The following NDST4 variants were observed in gnomAD, a reference collection of about 807,000 sequenced individuals.
The protein encoded by NDST4 is N-deacetylase and N-sulfotransferase 4, also known as N-heparan sulfate sulfotransferase 4.
In NDST4, 63 loss-of-function variants were observed where a neutral mutation model predicts 100.8. The observed-to-expected ratio is 0.62, with a 90% CI of 0.51 to 0.77. The LOEUF is 0.77. Among genes scored for constraint, NDST4 ranks in the 30% least tolerant of loss-of-function variants. The probability of loss-of-function intolerance (pLI) is 0.00; values close to 1 mark genes in which losing one functional copy is unlikely to be tolerated. For missense variants in NDST4, 943 were observed against 1,018.4 expected, an observed-to-expected ratio of 0.93 and a Z score of 1.01; for synonymous variants, 377 against 361.8, an observed-to-expected ratio of 1.04 and a Z score of -0.48.
At chr4:114,885,100 A>G (rs1724450910) in intron 6 of NDST4, among the ~76,000 whole-genome samples, 1 of 152,124 alleles carries the variant, frequency 6.6e-6, no homozygotes, top group African/African-American at 2.4e-5. Context: ...TTTTTATTAT[A>G]CTAGCAAAAT....
intron 1 of NDST4, among the ~76,000 whole-genome samples, chr4:115,091,589 C>A (rs995713040): frequency 1.3e-5 from 2 of 151,946 alleles, no homozygotes; most frequent in Non-Finnish European, 2.9e-5. Flanking sequence ...TTCTGGATAC[C>A]AACTTCTATT....
chr4:115,038,287 G>A (rs1728275809), intron 2 of NDST4, among the ~76,000 whole-genome samples: 1 of 152,118 alleles, frequency 6.6e-6, no homozygotes, highest in East Asian at 1.9e-4. Flanking sequence ...TTATTGAATA[G>A]GAAATCATTA....
chr4:115,016,277 G>A (rs1381136749), intron 2 of NDST4, among the ~76,000 whole-genome samples: 1 of 152,056 alleles, frequency 6.6e-6, no homozygotes, highest in East Asian at 1.9e-4. Flanking sequence ...TTGCAGCTAG[G>A]GCAAGGTTCT....
intron 2 of NDST4, among the ~76,000 whole-genome samples, chr4:115,073,451 G>A (rs1940295): frequency 0.042 from 6,376 of 151,912 alleles, 455 homozygotes; most frequent in African/African-American, 0.14. Flanking sequence ...AAAGAAAATG[G>A]GGTACATATA....
At chr4:115,069,616 T>TAGTCAGGATG (rs1249815942) in intron 2 of NDST4, among the ~76,000 whole-genome samples, 1 of 152,108 alleles carries the variant, frequency 6.6e-6, no homozygotes, top group African/African-American at 2.4e-5. Context: ...CATCTCACAC[T>TAGTCAGGATG]AGTCAGGATG....
chr4:114,981,590 A>C (rs1408636276), intron 2 of NDST4, among the ~76,000 whole-genome samples: 2 of 152,142 alleles, frequency 1.3e-5, no homozygotes, highest in Non-Finnish European at 2.9e-5. Context: ...TGAATTGGAG[A>C]CTATAAAATG....
chr4:115,028,566 CA>C (rs557583232), intron 2 of NDST4, among the ~76,000 whole-genome samples: 2,615 of 130,190 alleles, frequency 0.02, 26 homozygotes, highest in African/African-American at 0.032. Flanking sequence ...AAGAGAATAC[CA>C]AAAAAAAAAA....
intron 2 of NDST4, among the ~76,000 whole-genome samples, chr4:115,016,453 T>C (rs28812915): frequency 0.085 from 12,999 of 152,076 alleles, 1,837 homozygotes; most frequent in African/African-American, 0.29. Context: ...TTCCTATAAT[T>C]TTATGTGTTG....
chr4:115,014,786 C>A (rs564676184), intron 2 of NDST4, among the ~76,000 whole-genome samples: 28 of 152,116 alleles, frequency 1.8e-4, no homozygotes, highest in Admixed American at 1.2e-3. Context: ...GATAACTACT[C>A]TACTTTTGGA....
chr4:115,110,168 A>T (rs578138920), intron 1 of NDST4, among the ~76,000 whole-genome samples: 1 of 151,990 alleles, frequency 6.6e-6, no homozygotes, highest in Non-Finnish European at 1.5e-5. Context: ...AACTATATCT[A>T]TTAGAAATGC....
chr4:115,015,269 A>G (rs914919387), intron 2 of NDST4, among the ~76,000 whole-genome samples: 2 of 152,076 alleles, frequency 1.3e-5, no homozygotes, highest in African/African-American at 4.8e-5. Flanking sequence ...GAGAAAGAAG[A>G]CTCATGCCAG....
chr4:115,073,199 C>T (rs1291366429), intron 2 of NDST4, among the ~76,000 whole-genome samples: 1 of 151,806 alleles, frequency 6.6e-6, no homozygotes, highest in African/African-American at 2.4e-5. Flanking sequence ...GAAGGGGGAA[C>T]CCTCATGTAC....
At chr4:115,090,372 T>C (rs1355707743) in intron 1 of NDST4, among the ~76,000 whole-genome samples, 1 of 151,796 alleles carries the variant, frequency 6.6e-6, no homozygotes, top group African/African-American at 2.4e-5. Flanking sequence ...AGAAGATAAT[T>C]TATTATAAGG....
chr4:114,887,209 A>G lies in NDST4; in HGVS notation c.1537-16259T>C, dbSNP rs77199501. 4.1e-4 allele frequency among the ~76,000 whole-genome samples: 62 copies of G among 152,320 alleles called. No homozygotes were observed. The East Asian group carries it at 0.012, about 28-fold the overall frequency. On this transcript the variant is annotated intron_variant, in intron 6 of 13. Transcript: ENST00000264363. ...AATTAGATTATTTATAAAGACCTTT[A>G]AGAATATCTGGGTCTAATGTGAGAC...
intron 6 of NDST4, among the ~76,000 whole-genome samples, chr4:114,919,979 T>C (rs1169387024): frequency 6.6e-6 from 1 of 152,188 alleles, no homozygotes; most frequent in East Asian, 1.9e-4. Flanking sequence ...TTGGTATTAT[T>C]GGGAAGTTGC....
chr4:114,986,007 A>G (rs1324562577), intron 2 of NDST4, among the ~76,000 whole-genome samples: 4 of 152,204 alleles, frequency 2.6e-5, no homozygotes, highest in African/African-American at 9.6e-5. Context: ...GGTAAGTTTC[A>G]GGAACTAACT....
intron 6 of NDST4, among the ~76,000 whole-genome samples, chr4:114,889,808 C>T (rs2126205553): frequency 6.6e-6 from 1 of 152,232 alleles, no homozygotes; most frequent in African/African-American, 2.4e-5. Context: ...TAACTGTTGG[C>T]TATGGGGAAT....
At chr4:114,992,571 G>A (rs1727065080) in intron 2 of NDST4, among the ~76,000 whole-genome samples, 3 of 148,966 alleles carry the variant, frequency 2.0e-5, no homozygotes, top group Non-Finnish European at 4.5e-5. Flanking sequence ...AATAAATAAA[G>A]TTGACCTTTT....
chr4:115,107,095 T>C (rs908061600), intron 1 of NDST4, among the ~76,000 whole-genome samples: 33 of 151,978 alleles, frequency 2.2e-4, no homozygotes, highest in Admixed American at 7.2e-4. Context: ...GAGTTTGAGG[T>C]TGTAGTATGC....
Sources: allele counts gnomAD v4.1 joint callset (sites outside exome capture counted in the v4.1 genomes callset), GRCh38; gene constraint gnomAD v4.1.1; transcripts MANE v1.5; gene names NCBI Gene and HGNC (gene_info 2026-07-23, HGNC 2026-07-21).